The following ALMS1 variants were observed in gnomAD, a reference collection of about 807,000 sequenced individuals.
ALMS1 encodes the protein centrosome-associated protein ALMS1.
In ALMS1, 271 loss-of-function variants were observed where a neutral mutation model predicts 352.2. The ratio of observed to expected loss-of-function variants is 0.77; its 90% CI spans 0.70 to 0.85. The LOEUF is 0.85. Among genes scored for constraint, ALMS1 ranks in the 40% least tolerant of loss-of-function variants. ALMS1 has a pLI of 0.00. For missense variants in ALMS1, 5,445 were observed against 4,870.7 expected, an observed-to-expected ratio of 1.12 and a Z score of -3.51; for synonymous variants, 1,865 against 1,761.2, an observed-to-expected ratio of 1.06 and a Z score of -1.48.
chr2:73,390,217 T>C (rs528362350), intron 1 of ALMS1, among the ~76,000 whole-genome samples: 3 of 152,346 alleles, frequency 2.0e-5, no homozygotes, highest in Admixed American at 6.5e-5. Flanking sequence ...CACTGGCATA[T>C]TGAAACTTAC....
intron 9 of ALMS1, among the ~76,000 whole-genome samples, chr2:73,463,329 A>G (rs1197928165): frequency 2.0e-5 from 3 of 152,220 alleles, no homozygotes; most frequent in African/African-American, 7.2e-5. Context: ...CTGGAAACTG[A>G]ATAACCTGCT....
chr2:73,508,015 T>C (rs1006117010), intron 10 of ALMS1, among the ~76,000 whole-genome samples: 3 of 152,300 alleles, frequency 2.0e-5, no homozygotes, highest in African/African-American at 7.2e-5. Flanking sequence ...TATTTCTTGC[T>C]GCCTTGATTT....
intron 1 of ALMS1, among the ~76,000 whole-genome samples, chr2:73,387,157 A>G (rs1283885958): frequency 6.6e-6 from 1 of 152,164 alleles, no homozygotes; most frequent in Non-Finnish European, 1.5e-5. Flanking sequence ...GTCACTAATG[A>G]GCAGTAGTTG....
At chr2:73,466,992 C>T (rs1270364031) in intron 9 of ALMS1, among the ~76,000 whole-genome samples, 1 of 152,064 alleles carries the variant, frequency 6.6e-6, no homozygotes, top group Non-Finnish European at 1.5e-5. Context: ...CTACATCATA[C>T]CTTACTACAA....
intron 1 of ALMS1, among the ~76,000 whole-genome samples, chr2:73,391,119 C>G (rs1277670825): frequency 6.6e-6 from 1 of 151,624 alleles, no homozygotes; most frequent in Non-Finnish European, 1.5e-5. Context: ...CAGCTTCTTT[C>G]CCCATCTTCC....
chr2:73,556,674 TC>T (rs1172997019), intron 13 of ALMS1, among the ~76,000 whole-genome samples: 3 of 149,518 alleles, frequency 2.0e-5, no homozygotes, highest in African/African-American at 7.4e-5. Flanking sequence ...CATCAAACCA[TC>T]AAGGAACAGA....
intron 16 of ALMS1, among the ~76,000 whole-genome samples, chr2:73,589,061 C>T (rs115037644): frequency 6.2e-4 from 94 of 151,980 alleles, no homozygotes; most frequent in African/African-American, 2.2e-3. Context: ...AAATATATGT[C>T]ATACATAGAA....
chr2:73,433,043 G>T (rs76397736), intron 7 of ALMS1, among the ~76,000 whole-genome samples: 2,730 of 148,006 alleles, frequency 0.018, 92 homozygotes, highest in African/African-American at 0.068. Context: ...GGTGAGTAGT[G>T]GTGGAATTAG....
intron 7 of ALMS1, among the ~76,000 whole-genome samples, chr2:73,440,680 C>T (rs1671702414): frequency 6.6e-6 from 1 of 152,186 alleles, no homozygotes; most frequent in Non-Finnish European, 1.5e-5. Flanking sequence ...CCACCTCAGC[C>T]TCCCAAAGTG....
At chr2:73,425,896 A>T (rs764518946) in intron 5 of ALMS1, among the ~76,000 whole-genome samples, 2 of 152,222 alleles carry the variant, frequency 1.3e-5, no homozygotes, top group Non-Finnish European at 2.9e-5. Context: ...GAAAATGTTC[A>T]TTAAGCCACT....
chr2:73,460,311 T>TCC lies in ALMS1; in HGVS notation c.7674+5016_7674+5017insCC, dbSNP rs1672161752. On this transcript the variant is annotated intron_variant, in intron 9 of 22. Transcript: ENST00000613296. ...TCTTTCAACAATGAATGGTGATATATTAGGATGATACCTTCAGTGTGCTGA... is the reference window on the plus strand; with the variant it reads ...TCTTTCAACAATGAATGGTGATATATCCTAGGATGATACCTTCAGTGTGCTGA... Among the ~76,000 whole-genome samples, 3 of 152,336 alleles carry TCC rather than the reference T, an allele frequency of 2.0e-5. No homozygotes were observed. The South Asian group carries it at 6.2e-4, about 32-fold the overall frequency.
At chr2:73,540,766 A>T (rs1226289450) in intron 12 of ALMS1, among the ~76,000 whole-genome samples, 1 of 152,250 alleles carries the variant, frequency 6.6e-6, no homozygotes, top group Non-Finnish European at 1.5e-5. Flanking sequence ...AAAGATCAAA[A>T]GAGGCAGAGA....
intron 9 of ALMS1, among the ~76,000 whole-genome samples, chr2:73,473,926 G>A (rs934241736): frequency 6.6e-6 from 1 of 150,654 alleles, no homozygotes; most frequent in African/African-American, 2.4e-5. Context: ...AGGGAAGAGA[G>A]AGAGAGAGAG....
intron 11 of ALMS1, among the ~76,000 whole-genome samples, chr2:73,522,117 C>T (rs1219818472): frequency 1.3e-5 from 2 of 152,110 alleles, no homozygotes; most frequent in Admixed American, 6.5e-5. Context: ...TCCAGTGTAA[C>T]CTTAAGACTA....
At chr2:73,422,491 G>A (rs985752255) in intron 3 of ALMS1, among the ~76,000 whole-genome samples, 3 of 152,262 alleles carry the variant, frequency 2.0e-5, no homozygotes, top group East Asian at 1.9e-4. Context: ...AGTTAAGAGC[G>A]TTTGCTAAAA....
intron 1 of ALMS1, among the ~76,000 whole-genome samples, chr2:73,399,492 G>C (rs1458031167): frequency 5.3e-5 from 8 of 152,012 alleles, no homozygotes; most frequent in Admixed American, 5.2e-4. Context: ...AGAAGCCAGA[G>C]AGCAAGGGAG....
At chr2:73,408,258 G>A (rs1397716559) in intron 1 of ALMS1, among the ~76,000 whole-genome samples, 1 of 152,180 alleles carries the variant, frequency 6.6e-6, no homozygotes, top group Non-Finnish European at 1.5e-5. Flanking sequence ...TTCACAAAAT[G>A]ATTCTGACTT....
intron 1 of ALMS1, among the ~76,000 whole-genome samples, chr2:73,406,829 G>T (rs1040016940): frequency 1.2e-4 from 19 of 152,146 alleles, no homozygotes; most frequent in Admixed American, 1.2e-3. Context: ...TTTCGCCATT[G>T]TTGGCCAGGC....
At chr2:73,539,061 G>A (rs1035114099) in intron 12 of ALMS1, among the ~76,000 whole-genome samples, 3 of 152,208 alleles carry the variant, frequency 2.0e-5, no homozygotes, top group Non-Finnish European at 2.9e-5. Flanking sequence ...CACAGCTGGA[G>A]ATCTGAGAAC....
Sources: gnomAD v4.1 joint callset for allele counts (sites outside exome capture counted in the v4.1 genomes callset) on GRCh38, gnomAD v4.1.1 for gene constraint, MANE v1.5 for transcripts, NCBI Gene and HGNC (gene_info 2026-07-23, HGNC 2026-07-21) for gene names.